DENND1A: variants seen among roughly 807,000 people sequenced by gnomAD.
DENND1A encodes the protein DENN domain-containing protein 1A.
Under a neutral mutation model 113.7 loss-of-function variants are expected in DENND1A, and 51 were observed. The observed-to-expected ratio is 0.45, with a 90% CI of 0.36 to 0.57. DENND1A has a LOEUF of 0.57. Among genes scored for constraint, DENND1A ranks in the 20% least tolerant of loss-of-function variants. The pLI is 0.00. For synonymous variants in DENND1A, 565 were observed against 570.8 expected (o/e 0.99, Z 0.14); for missense variants, 1,258 against 1,395.9 (o/e 0.90, Z 1.57).
chr9:123,441,474 A>G (rs762258024), intron 18 of DENND1A, among the ~76,000 whole-genome samples: 3 of 152,232 alleles, frequency 2.0e-5, no homozygotes, highest in Non-Finnish European at 2.9e-5. Context: ...ATCTTTTTAA[A>G]TCCAGAAATT....
At chr9:123,444,035 A>G (rs1487537582) in intron 18 of DENND1A, among the ~76,000 whole-genome samples, 5 of 152,210 alleles carry the variant, frequency 3.3e-5, no homozygotes, top group Non-Finnish European at 5.9e-5. Flanking sequence ...TAGGGAGCTA[A>G]TAACAGCAAC....
chr9:123,395,081 A>C (rs4838057), intron 21 of DENND1A, among the ~76,000 whole-genome samples: 22,274 of 152,198 alleles, frequency 0.15, 1,940 homozygotes, highest in South Asian at 0.26. Context: ...TGCTGGGCAC[A>C]AAACAGGCAG....
At chr9:123,472,678 C>T (rs2049530912) in intron 13 of DENND1A, among the ~76,000 whole-genome samples, 1 of 152,154 alleles carries the variant, frequency 6.6e-6, no homozygotes, top group Admixed American at 6.5e-5. Context: ...CTCCCATTTC[C>T]TTGGCTTTCA....
chr9:123,401,426 A>T (rs2043454121), intron 21 of DENND1A: 1 of 1,030,404 alleles, frequency 9.7e-7, no homozygotes, highest in African/African-American at 1.6e-5. Flanking sequence ...TGGGAGAACA[A>T]CTTCCCCTTC....
intron 13 of DENND1A, among the ~76,000 whole-genome samples, chr9:123,459,898 T>C (rs752188943): frequency 7.9e-5 from 12 of 152,114 alleles, no homozygotes; most frequent in Non-Finnish European, 1.8e-4. Flanking sequence ...CCCAAAAATA[T>C]TAGGGTAAGG....
intron 5 of DENND1A, among the ~76,000 whole-genome samples, chr9:123,686,102 A>G (rs12346240): frequency 0.06 from 9,163 of 152,210 alleles, 896 homozygotes; most frequent in African/African-American, 0.21. Context: ...ATGCCATTTG[A>G]TATTAACCTC....
intron 1 of DENND1A, among the ~76,000 whole-genome samples, chr9:123,894,107 T>A (rs1182783247): frequency 2.0e-5 from 3 of 152,216 alleles, no homozygotes; most frequent in Admixed American, 6.5e-5. Context: ...GGAACTTTGT[T>A]TCACTTCACC....
chr9:123,416,339 AC>A (rs1429714779), intron 19 of DENND1A, among the ~76,000 whole-genome samples: 1 of 151,712 alleles, frequency 6.6e-6, no homozygotes, highest in Non-Finnish European at 1.5e-5. Flanking sequence ...GCTGCTCAAC[AC>A]CCCCAGCTGG....
At chr9:123,788,705 T>G (rs192215995) in intron 3 of DENND1A, among the ~76,000 whole-genome samples, 18 of 152,228 alleles carry the variant, frequency 1.2e-4, no homozygotes, top group Admixed American at 1.1e-3. Context: ...GCTTCAGTCC[T>G]TTAACAAAAT....
intron 5 of DENND1A, among the ~76,000 whole-genome samples, chr9:123,755,309 C>CT (rs1237385687): frequency 0.041 from 5,822 of 143,036 alleles, 377 homozygotes; most frequent in African/African-American, 0.14. Flanking sequence ...TTCTTTCTTT[C>CT]TTTTTTTTTT....
At chr9:123,561,123 GCTC>G (rs1386206552) in intron 12 of DENND1A, among the ~76,000 whole-genome samples, 4 of 152,212 alleles carry the variant, frequency 2.6e-5, no homozygotes, top group African/African-American at 9.6e-5. Flanking sequence ...TCTCCTTCTG[GCTC>G]CTCAAGGGCC....
intron 13 of DENND1A, among the ~76,000 whole-genome samples, chr9:123,473,966 G>C (rs890552586): frequency 6.7e-6 from 1 of 149,916 alleles, no homozygotes; most frequent in Non-Finnish European, 1.5e-5. Flanking sequence ...CTGTAAAATG[G>C]GGTAACGTTT....
At chr9:123,818,259 C>A (rs1253167591) in intron 2 of DENND1A, among the ~76,000 whole-genome samples, 1 of 151,662 alleles carries the variant, frequency 6.6e-6, no homozygotes, top group Non-Finnish European at 1.5e-5. Flanking sequence ...CGCCTGCCAC[C>A]ACACCCGGCT....
At chr9:123,490,285 T>C (rs1440564323) in intron 13 of DENND1A, among the ~76,000 whole-genome samples, 7 of 152,084 alleles carry the variant, frequency 4.6e-5, no homozygotes, top group African/African-American at 1.7e-4. Flanking sequence ...GTGGAGTCCA[T>C]TAGAAACAGG....
At chr9:123,604,911 C>G (rs569925959) in intron 11 of DENND1A, among the ~76,000 whole-genome samples, 2 of 152,110 alleles carry the variant, frequency 1.3e-5, no homozygotes, top group African/African-American at 4.8e-5. Flanking sequence ...GGATTGCTGA[C>G]CTTTGTTGAG....
intron 3 of DENND1A, among the ~76,000 whole-genome samples, chr9:123,779,801 C>T (rs530601492): frequency 6.6e-6 from 1 of 152,148 alleles, no homozygotes; most frequent in Non-Finnish European, 1.5e-5. Flanking sequence ...TATTCTGGAA[C>T]AGAGGAGACT....
At chr9:123,569,580 T>A (rs751213831) in intron 12 of DENND1A, 2 of 152,258 alleles carry the variant, frequency 1.3e-5, no homozygotes, top group Non-Finnish European at 2.9e-5. Context: ...GCTCACTGGA[T>A]CACGATGCTC....
chr9:123,533,230 T>C (rs1238350803), intron 13 of DENND1A, among the ~76,000 whole-genome samples: 1 of 152,240 alleles, frequency 6.6e-6, no homozygotes, highest in Non-Finnish European at 1.5e-5. Context: ...GCCAAGCACA[T>C]AGAAGGTGCT....
At chr9:123,868,796 C>G (rs946625017) in intron 2 of DENND1A, among the ~76,000 whole-genome samples, 1 of 152,190 alleles carries the variant, frequency 6.6e-6, no homozygotes, top group Non-Finnish European at 1.5e-5. Flanking sequence ...AATCTGGGAT[C>G]TGCTTCAAAT....
Sources: gnomAD v4.1 joint callset for allele counts (sites outside exome capture counted in the v4.1 genomes callset) on GRCh38, gnomAD v4.1.1 for gene constraint, MANE v1.5 for transcripts, NCBI Gene and HGNC (gene_info 2026-07-23, HGNC 2026-07-21) for gene names.